Variants in MYH6 observed in about 807,000 individuals in gnomAD.
The protein encoded by MYH6 is myosin-6.
In MYH6, 126 loss-of-function variants were observed where a neutral mutation model predicts 223.2. The ratio of observed to expected loss-of-function variants is 0.56; its 90% confidence interval spans 0.49 to 0.65. The LOEUF (loss-of-function observed/expected upper bound fraction) is 0.65, where lower values mean the gene tolerates loss of function less well. Among genes scored for constraint, MYH6 ranks in the 30% least tolerant of loss-of-function variants. The probability of loss-of-function intolerance (pLI) is 0.00; values close to 1 mark genes in which losing one functional copy is unlikely to be tolerated. For missense variants in MYH6, 2,040 were observed against 2,536.4 expected (o/e 0.80, Z 4.20); for synonymous variants, 978 against 1,010.2 (o/e 0.97, Z 0.61).
At chr14:23,403,618 A>G in intron 9 of MYH6, 97 bp downstream of exon 9, 1 of 1,296,662 alleles carries the variant, frequency 7.7e-7, no homozygotes, top group Non-Finnish European at 1.1e-6. Flanking sequence ...AAATGCAGAC[A>G]AAACAGGAGA....
In MYH6 at chr14:23,405,845, C is replaced by T. The variant is rs1014044588; in HGVS notation, c.202-75G>A. ...ACCCTTGCCAGCACTGCCCACTGAC[C>T]TCCTCCCAGGACACAGGGACTTGGC... On this transcript the variant is annotated intron_variant, in intron 3 of 38. Coordinates refer to ENST00000405093, the MANE Select transcript of MYH6 (RefSeq NM_002471.4). This position sits in a 1 kb window ranked among gnomAD's most constrained non-coding sequence, Gnocchi z 4.7. 1.9e-6 allele frequency: 3 copies of T among 1,595,640 alleles called. No homozygotes were observed. Among genetic ancestry groups the T allele is most frequent in the African/African-American group, 2.7e-5 (2 of 74,510 alleles).
At chr14:23,383,027 T>C (rs192514116) in intron 37 of MYH6, among the ~76,000 whole-genome samples, 198 bp downstream of exon 37, 79 of 152,346 alleles carry the variant, frequency 5.2e-4, no homozygotes, top group Admixed American at 8.5e-4. Flanking sequence ...GGTATCTGAA[T>C]TGTAAGCAGC....
rs1890966496 is a variant in MYH6 at position 23,384,713 on chromosome 14, G to A, written c.5294C>T (p.Ala1765Val). The change falls in exon 36 of 39, where the codon GCC becomes GTC. Residue 1765 changes from alanine (A) to valine (V), a missense_variant. Coordinates refer to ENST00000405093, the MANE Select transcript of MYH6 (RefSeq NM_002471.4). The part of the protein sequence containing the change: ...EKAKKAITDA[A>V]MMAEELKKEQ... ...CTTCTTCAGCTCCTCTGCCATCATG[G>A]CGGCCTGTGTGCAGGAGAGAGGTGG... 1 of 1,614,122 alleles carries A rather than the reference G, an allele frequency of 6.2e-7. No homozygotes were observed. The highest frequency in any genetic ancestry group is 1.3e-5 in the African/African-American group (1 of 74,950).
rs1891829766 is a variant in MYH6, at chr14:23,407,606, A to G, written c.-44T>C. On this transcript the variant is annotated splice_region_variant and 5_prime_UTR_variant, in exon 2 of 39. Transcript: ENST00000405093. The surrounding 1 kb of genome is among the most constrained non-coding windows in gnomAD (Gnocchi z 5.6). ...TATCCCTTCACGGAGAATCCTGAAG[A>G]ATCTGGACCGTGGGTGGAGCAAGGA... The G allele has an allele frequency of 6.9e-6, 8 of 1,156,792 alleles. No homozygotes were observed. The South Asian group carries it at 1.2e-4, about 17-fold the overall frequency. The allele number at this position is 1,156,792 out of a possible 1,614,324, so 71.7% of individuals were successfully genotyped here. A position where few individuals can be genotyped will look rare whatever the true frequency, so the allele number is the denominator to read the frequency against.
chr14:23,402,652 A>C, intron 11 of MYH6, 45 bp downstream of exon 11: 1 of 1,613,398 alleles, frequency 6.2e-7, no homozygotes, highest in Non-Finnish European at 8.5e-7. Flanking sequence ...TGGCCCCAGG[A>C]GCTCCTGGGG....
In MYH6 at chr14:23,388,897, C is replaced by T. The variant is rs372158844; in HGVS notation, c.4137G>A (p.Thr1379=). ...GCTCCTCAGTCCGCTGAATGGCGTC[C>T]GTCTCATACTTGGTCCTCCACTGGG... ...EVAQWRTKYE[T]DAIQRTEELE... is the part of the protein sequence containing the mutation. Residue 1379 remains threonine (T), a synonymous_variant, in exon 29 of 39, where the codon ACG becomes ACA. Coordinates refer to ENST00000405093, the MANE Select transcript of MYH6 (RefSeq NM_002471.4). 236 of 1,613,790 alleles carry T rather than the reference C, an allele frequency of 1.5e-4. 1 individual carries two copies. The Middle Eastern group carries it at 1.8e-3, about 12-fold the overall frequency.
At chr14:23,404,940 G>T (rs1217074442) in intron 6 of MYH6, 118 bp from the exon 7 acceptor site, 39 of 1,481,126 alleles carry the variant, frequency 2.6e-5, no homozygotes, top group Non-Finnish European at 3.2e-5. Flanking sequence ...AGCAGGATTT[G>T]CCTGACATGG....
rs1365195593 is a variant in MYH6, at chr14:23,405,612, G to T, written c.345+15C>A. ...GCAGCACAGGAAGCCTCTGCAGTGT[G>T]CAGGAGCCACTCACATATATCATCC... On this transcript the variant is annotated intron_variant, in intron 4 of 38. Transcript: ENST00000405093. The surrounding 1 kb of genome is among the most constrained non-coding windows in gnomAD (Gnocchi z 4.7). 2.5e-6 allele frequency: 4 copies of T among 1,614,148 alleles called. No individual in the cohort carries two copies. The highest frequency in any genetic ancestry group is 2.2e-5 in the South Asian group (2 of 91,084).
chr14:23,407,322 AC>A lies in MYH6; in HGVS notation c.-13-87del. ...TTTGTCCTCTGCAGCCCCCCTCCCT[AC>A]CCCCGCTCCTCTCCTCCACCCTGGG... On this transcript the variant is annotated intron_variant, in intron 2 of 38. Coordinates refer to ENST00000405093, the MANE Select transcript of MYH6 (RefSeq NM_002471.4). This position sits in a 1 kb window ranked among gnomAD's most constrained non-coding sequence, Gnocchi z 5.6. 1 of 1,484,532 alleles carries A rather than the reference AC, an allele frequency of 6.7e-7. No homozygotes were observed. Among genetic ancestry groups the A allele is most frequent in the Non-Finnish European group, 9.3e-7 (1 of 1,078,628 alleles). 92.0% of individuals were successfully genotyped at this position (1,484,532 alleles called of 1,614,324 possible).
rs968073442 is a variant in MYH6, at chr14:23,407,856, T to C, written c.-46-248A>G. Among the ~76,000 whole-genome samples the C allele has an allele frequency of 6.7e-6, 1 of 150,286 alleles. No individual in the cohort carries two copies. Among genetic ancestry groups the C allele is most frequent in the Non-Finnish European group, 1.5e-5 (1 of 67,616 alleles). ...GGTTAGAAGCAGAGAGGCAGGGAGG[T>C]GAGAACACGTGCCAAGAAGGAAGGA... On this transcript the variant is annotated intron_variant, in intron 1 of 38. Transcript: ENST00000405093. The surrounding 1 kb of genome is among the most constrained non-coding windows in gnomAD (Gnocchi z 5.6).
chr14:23,386,784 T>C (rs975101940), intron 32 of MYH6, among the ~76,000 whole-genome samples, 161 bp from the exon 33 acceptor site: 15 of 152,090 alleles, frequency 9.9e-5, no homozygotes, highest in Non-Finnish European at 2.2e-4. Context: ...CACGGTGCTA[T>C]TGGGGAGAAA....
In MYH6 at chr14:23,402,450, C is replaced by T. The variant is rs1214503674; in HGVS notation, c.1141+14G>A. The T allele has an allele frequency of 1.2e-6, 2 of 1,612,290 alleles. No individual in the cohort carries two copies. Among genetic ancestry groups the T allele is most frequent in the South Asian group, 2.2e-5 (2 of 91,008 alleles). Reference sequence around the variant, plus strand: ...CCTCAGGCCTTCCCAGGGCTGCCTGCCTGCCCCTCCCACCTTCGGTGCCGT... The same window carrying T: ...CCTCAGGCCTTCCCAGGGCTGCCTGTCTGCCCCTCCCACCTTCGGTGCCGT... On this transcript the variant is annotated intron_variant, in intron 12 of 38. Transcript: ENST00000405093.
chr14:23,405,126 A>C lies in MYH6; in HGVS notation c.504T>G (p.Asp168Glu). The change falls in exon 6 of 39, where the codon GAT (aspartate) becomes GAG (glutamate). Residue 168 changes from aspartate to glutamate, a missense_variant and splice_region_variant. Asp to Glu is a conservative substitution (Grantham distance 45). Transcript: ENST00000405093. This position sits in a 1 kb window ranked among gnomAD's most constrained non-coding sequence, Gnocchi z 4.7. The stretch of plus-strand genomic sequence containing the variant: ...TGATGAGGATGGACTGGTTCTCCCG[A>C]TCTGGAAGAAAAAAGAGGAGAAGCA... The part of the protein sequence containing the change: ...SDNAYQYMLT[D>E]RENQSILITG... 6.2e-7 allele frequency: 1 copy of C among 1,614,008 alleles called. No individual in the cohort carries two copies. Among genetic ancestry groups the C allele is most frequent in the Non-Finnish European group, 8.5e-7 (1 of 1,180,030 alleles).
rs1488111533 is a variant in MYH6 at position 23,396,369 on chromosome 14, T to C, written c.2344A>G (p.Arg782Gly). 1 of 1,614,086 alleles carries C rather than the reference T, an allele frequency of 6.2e-7. No individual in the cohort carries two copies. The highest frequency in any genetic ancestry group is 2.2e-5 in the East Asian group (1 of 44,884). Residue 782 changes from arginine to glycine, a missense_variant, in exon 20 of 39, where the codon AGG becomes GGG. By Grantham distance (125) the Arg-to-Gly change is moderately radical (BLOSUM62 -2). Around this residue, in one of 4 missense-constraint regions of MYH6, gnomAD observed 649 missense variants for 877.3 expected, o/e 0.74. Coordinates refer to ENST00000405093, the MANE Select transcript of MYH6 (RefSeq NM_002471.4). ...ATGCGCGTGATGATGCGGCTCAGCC[T>C]CTCATCCCGCATCTCCTCCAGCAGC... ...LGLLEEMRDE[R>G]LSRIITRMQA... is the part of the protein sequence containing the mutation.
In MYH6 at chr14:23,398,796, G is replaced by A. The variant is rs1256642105; in HGVS notation, c.1823C>T (p.Ala608Val). Residue 608 changes from alanine to valine, a missense_variant, in exon 15 of 39, where the codon GCC becomes GTC. This residue lies in a region of MYH6 where 649 missense variants were observed against 877.3 expected (regional missense o/e 0.74). Transcript: ENST00000405093. The part of the protein sequence containing the change: ...NKDPLNETVV[A>V]LYQKSSLKLM... ...CTTGAGGGAGGACTTCTGGTACAGGGCCACAACAGTCTCGTTGAGAGGATC... is the reference window on the plus strand; with the variant it reads ...CTTGAGGGAGGACTTCTGGTACAGGACCACAACAGTCTCGTTGAGAGGATC... 4 of 1,614,106 alleles carry A rather than the reference G, an allele frequency of 2.5e-6. No individual in the cohort carries two copies. Among genetic ancestry groups the A allele is most frequent in the Non-Finnish European group, 3.4e-6 (4 of 1,180,056 alleles).
At chr14:23,393,558 A>G (rs764547572) in intron 22 of MYH6, 40 bp from the exon 23 acceptor site, 1 of 1,613,964 alleles carries the variant, frequency 6.2e-7, no homozygotes, top group East Asian at 2.2e-5. Context: ...GTCAAAGATC[A>G]CCAGCCTGGA....
chr14:23,390,019 G>T (rs748282128), intron 26 of MYH6, 38 bp downstream of exon 26: 2 of 1,613,432 alleles, frequency 1.2e-6, no homozygotes, highest in Non-Finnish European at 1.7e-6. Flanking sequence ...GCTCCGCTGT[G>T]CAGGGGAGAG....
intron 14 of MYH6, 46 bp downstream of exon 14, chr14:23,400,209 TC>T: frequency 6.2e-7 from 1 of 1,613,790 alleles, no homozygotes; most frequent in Non-Finnish European, 8.5e-7. Flanking sequence ...CACCACTTTG[TC>T]TGGATGGCAG....
intron 14 of MYH6, among the ~76,000 whole-genome samples, chr14:23,399,306 G>T (rs1373211087): frequency 2.6e-5 from 4 of 152,176 alleles, no homozygotes; most frequent in Non-Finnish European, 5.9e-5. Context: ...TCACAGCACA[G>T]CCCCTTCTCT....
Sources: allele counts gnomAD v4.1 joint callset (sites outside exome capture counted in the v4.1 genomes callset), GRCh38; gene constraint gnomAD v4.1.1; regional missense constraint gnomAD v4.1.1; non-coding constraint Gnocchi (gnomAD v3.1); transcripts MANE v1.5; gene names NCBI Gene and HGNC (gene_info 2026-07-23, HGNC 2026-07-21).